The following CFAP47 variants were observed in gnomAD, a reference collection of about 807,000 sequenced individuals.
The protein encoded by CFAP47 is cilia- and flagella-associated protein 47.
CFAP47 carries 29 observed loss-of-function variants against 148.1 expected under a neutral mutation model. That is an observed-to-expected ratio of 0.20 (90% confidence interval 0.15 to 0.27). The LOEUF is 0.27. Among genes scored for constraint, CFAP47 ranks in the 10% least tolerant of loss-of-function variants. The pLI is 1.00. For missense variants in CFAP47, 1,872 were observed against 1,697.5 expected (o/e 1.10, Z -1.81); for synonymous variants, 664 against 577.3 (o/e 1.15, Z -2.15).
At chrX:36,098,730 T>A in intron 30 of CFAP47, 63 bp from the exon 31 acceptor site, 2 of 530,881 alleles carry the variant, frequency 3.8e-6, no homozygotes, top group South Asian at 8.6e-5. Flanking sequence ...TGATGGTCAA[T>A]GCAAATCATA....
At chrX:36,304,188 C>G (rs1217219015) in intron 54 of CFAP47, among the ~76,000 whole-genome samples, 1 of 110,716 alleles carries the variant, frequency 9.0e-6, no homozygotes, top group Non-Finnish European at 1.9e-5. Flanking sequence ...TTGAGACCAG[C>G]CTGCCCAACA....
chrX:36,212,248 C>T (rs56373577), intron 45 of CFAP47, among the ~76,000 whole-genome samples: 2,249 of 111,789 alleles, frequency 0.02, 60 homozygotes, highest in African/African-American at 0.07. Context: ...TTATTTTATC[C>T]CATTGGTCTA....
At chrX:36,168,729 C>T (rs182465101) in intron 39 of CFAP47, among the ~76,000 whole-genome samples, 53 of 111,833 alleles carry the variant, frequency 4.7e-4, no homozygotes, top group Non-Finnish European at 8.3e-4. Flanking sequence ...ACCCAGCCCT[C>T]CTGCTTATTT....
rs782251148 is a variant in CFAP47, at chrX:36,371,924, G to GTGTATATATGTGTGTA, written c.9185+4798_9185+4799insGTATATATGTGTGTAT. On this transcript the variant is annotated intron_variant, in intron 62 of 63. Coordinates refer to ENST00000378653, the MANE Select transcript of CFAP47 (RefSeq NM_001304548.2). Reference sequence around the variant, plus strand: ...TGTGTATATATGTGTGTATATATGTGTATATACACACATGTGTATATGTGT... The same window carrying GTGTATATATGTGTGTA: ...TGTGTATATATGTGTGTATATATGTGTGTATATATGTGTGTATATATACACACATGTGTATATGTGT... Among the ~76,000 whole-genome samples the GTGTATATATGTGTGTA allele has an allele frequency of 8.3e-5, 5 of 59,997 alleles. 1 individual carries two copies. Among genetic ancestry groups the GTGTATATATGTGTGTA allele is most frequent in the African/African-American group, 4.0e-4 (3 of 7,434 alleles). 52.1% of individuals were successfully genotyped at this position (59,997 alleles called of 115,157 possible).
rs756783747 is a variant in CFAP47 at position 35,943,311 on chromosome X, GTATGTATACTTAATAGGA to G, written c.517+1917_517+1934del. 2.7e-3 allele frequency among the ~76,000 whole-genome samples: 305 copies of G among 111,715 alleles called. 1 individual carries two copies. The highest frequency in any genetic ancestry group is 9.4e-3 in the African/African-American group (290 of 30,897). Reference sequence around the variant, plus strand: ...TCAAAGTTCAAATGCTTACAAATTTGTATGTATACTTAATAGGATATTTAAAACTCAACACTTGGCAGA... The same window carrying G: ...TCAAAGTTCAAATGCTTACAAATTTGTATTTAAAACTCAACACTTGGCAGA... On this transcript the variant is annotated intron_variant, in intron 3 of 63. Transcript: ENST00000378653.
chrX:36,231,329 T>A (rs6632525), intron 46 of CFAP47, among the ~76,000 whole-genome samples: 9,550 of 104,026 alleles, frequency 0.092, 537 homozygotes, highest in East Asian at 0.22. Flanking sequence ...GTCCTTCACA[T>A]CCCTTGTAAG....
intron 22 of CFAP47, among the ~76,000 whole-genome samples, chrX:36,023,218 G>T (rs1465153433): frequency 8.9e-6 from 1 of 112,588 alleles, no homozygotes; most frequent in Non-Finnish European, 1.9e-5. Context: ...GAATCAGAGA[G>T]GGACCACCTT....
At chrX:36,108,318 T>C (rs758048646) in intron 33 of CFAP47, among the ~76,000 whole-genome samples, 1 of 111,382 alleles carries the variant, frequency 9.0e-6, no homozygotes, top group African/African-American at 3.3e-5. Context: ...GATCCAAATC[T>C]ACCTCAGACC....
intron 27 of CFAP47, among the ~76,000 whole-genome samples, chrX:36,067,313 C>T (rs150127160): frequency 1.3e-3 from 142 of 111,362 alleles, no homozygotes; most frequent in African/African-American, 4.6e-3. Context: ...ACCCCCAAAA[C>T]AACATAACCC....
intron 62 of CFAP47, among the ~76,000 whole-genome samples, chrX:36,372,641 A>G (rs1556022158): frequency 8.9e-6 from 1 of 111,877 alleles, no homozygotes; most frequent in Non-Finnish European, 1.9e-5. Context: ...CTGCAACACA[A>G]TGGTAAATAT....
At chrX:36,072,625 T>C (rs1653425258) in intron 28 of CFAP47, among the ~76,000 whole-genome samples, 1 of 112,143 alleles carries the variant, frequency 8.9e-6, no homozygotes, top group Admixed American at 9.5e-5. Flanking sequence ...TGTGCCATTA[T>C]ATAACCAGAT....
intron 61 of CFAP47, among the ~76,000 whole-genome samples, chrX:36,366,189 C>T (rs190885856): frequency 2.7e-5 from 3 of 111,569 alleles, no homozygotes; most frequent in Non-Finnish European, 5.7e-5. Context: ...TTTAAGTAAG[C>T]GGTATGAGAT....
rs150846706 is a variant in CFAP47, at chrX:35,938,688, G to A, written c.402-2595G>A. Among the ~76,000 whole-genome samples, 791 of 111,446 alleles carry A rather than the reference G, an allele frequency of 7.1e-3. 4 individuals are homozygous for A. The highest frequency in any genetic ancestry group is 0.024 in the Middle Eastern group (5 of 212). On this transcript the variant is annotated intron_variant, in intron 2 of 63. Transcript: ENST00000378653. ...TGCTGAGAGAAGTTGTCTCCATAATGAGTAGATTGGAATGAAAGGATTTTA... is the reference window on the plus strand; with the variant it reads ...TGCTGAGAGAAGTTGTCTCCATAATAAGTAGATTGGAATGAAAGGATTTTA...
intron 33 of CFAP47, among the ~76,000 whole-genome samples, chrX:36,132,279 G>A (rs1602002176): frequency 9.0e-6 from 1 of 111,471 alleles, no homozygotes; most frequent in South Asian, 3.7e-4. Flanking sequence ...TTTTAAAAAT[G>A]TGTGGAGCAT....
At chrX:35,962,252 TTTCA>T (rs1936341661) in intron 8 of CFAP47, among the ~76,000 whole-genome samples, 1 of 112,053 alleles carries the variant, frequency 8.9e-6, no homozygotes, top group Admixed American at 9.5e-5. Flanking sequence ...ATTTGAAATG[TTTCA>T]TTCAAAGTGC....
chrX:36,206,987 C>A (rs1164770646), intron 45 of CFAP47, among the ~76,000 whole-genome samples: 1 of 111,943 alleles, frequency 8.9e-6, no homozygotes, highest in Non-Finnish European at 1.9e-5. Flanking sequence ...CTTAAACAGG[C>A]ACTTAAATGA....
intron 29 of CFAP47, among the ~76,000 whole-genome samples, chrX:36,075,370 G>A (rs1937831489): frequency 9.1e-6 from 1 of 110,059 alleles, no homozygotes; most frequent in Admixed American, 9.7e-5. Context: ...TGAGACTACA[G>A]GTGCTTGCCA....
intron 8 of CFAP47, among the ~76,000 whole-genome samples, chrX:35,963,928 G>T (rs748759082): frequency 6.2e-4 from 69 of 111,132 alleles, no homozygotes; most frequent in African/African-American, 2.1e-3. Context: ...TTCTTTAAAA[G>T]CTCATCCATA....
chrX:36,164,117 G>T (rs1010552765), intron 39 of CFAP47, among the ~76,000 whole-genome samples: 2 of 111,308 alleles, frequency 1.8e-5, no homozygotes, highest in Non-Finnish European at 3.8e-5. Context: ...GGTCCATACT[G>T]CAGAATGCTC....
Sources: gnomAD v4.1 joint callset for allele counts (sites outside exome capture counted in the v4.1 genomes callset) on GRCh38, gnomAD v4.1.1 for gene constraint, MANE v1.5 for transcripts, NCBI Gene and HGNC (gene_info 2026-07-23, HGNC 2026-07-21) for gene names.